ABCA10: variants seen among roughly 807,000 people sequenced by gnomAD.
ABCA10 encodes the protein ATP binding cassette subfamily A member 10, also known as ATP-binding cassette sub-family A member 10.
In ABCA10, 169 loss-of-function variants were observed where a neutral mutation model predicts 187.5. The ratio of observed to expected loss-of-function variants is 0.90; its 90% CI spans 0.80 to 1.02. The LOEUF (loss-of-function observed/expected upper bound fraction) is 1.02, where lower values mean the gene tolerates loss of function less well. Ranked by LOEUF, ABCA10 falls within the 50% of genes least tolerant of loss-of-function variation. ABCA10 has a pLI of 0.00. For synonymous variants in ABCA10, 574 were observed against 601.8 expected (o/e 0.95, Z 0.68); for missense variants, 1,727 against 1,812.4 (o/e 0.95, Z 0.86).
chr17:69,193,704 T>C, intron 13 of ABCA10, 92 bp from the exon 14 acceptor site: 15 of 1,550,166 alleles, frequency 9.7e-6, no homozygotes, highest in Non-Finnish European at 1.3e-5. Context: ...GTCTAGAACT[T>C]CGTTGATTAA....
At chr17:69,158,299 T>C (rs1050861850) in intron 27 of ABCA10, among the ~76,000 whole-genome samples, 2 of 151,720 alleles carry the variant, frequency 1.3e-5, no homozygotes, top group African/African-American at 2.4e-5. Flanking sequence ...AAAATAAAAA[T>C]ATAATTATTT....
chr17:69,195,017 G>A (rs2074487670), intron 11 of ABCA10, among the ~76,000 whole-genome samples: 2 of 152,068 alleles, frequency 1.3e-5, no homozygotes, highest in South Asian at 4.1e-4. Context: ...CAAAAGTGTG[G>A]GCATGATATT....
At chr17:69,177,885 G>A (rs191175008) in intron 22 of ABCA10, among the ~76,000 whole-genome samples, 35 of 143,260 alleles carry the variant, frequency 2.4e-4, no homozygotes, top group Admixed American at 2.4e-3. Context: ...GAACCCAGGA[G>A]GTGGAGGTTG....
At chr17:69,173,199 T>C (rs143654989) in intron 25 of ABCA10, among the ~76,000 whole-genome samples, 1 of 152,198 alleles carries the variant, frequency 6.6e-6, no homozygotes, top group Non-Finnish European at 1.5e-5. Flanking sequence ...GGTTATGATA[T>C]TTGACCATTG....
intron 25 of ABCA10, among the ~76,000 whole-genome samples, chr17:69,168,744 T>C (rs368612238): frequency 1.3e-5 from 2 of 152,184 alleles, no homozygotes; most frequent in South Asian, 2.1e-4. Context: ...ATGGCAGGTC[T>C]TTCCTGTGCT....
chr17:69,202,791 G>A (rs1413068597), intron 9 of ABCA10, among the ~76,000 whole-genome samples: 1 of 152,058 alleles, frequency 6.6e-6, no homozygotes, highest in Admixed American at 6.5e-5. Flanking sequence ...ATCTATTAGA[G>A]TAGAGAATAC....
chr17:69,153,577 G>A, intron 32 of ABCA10, 31 bp from the exon 33 acceptor site: 2 of 1,611,930 alleles, frequency 1.2e-6, no homozygotes, highest in Non-Finnish European at 1.7e-6. Flanking sequence ...TATACATGAA[G>A]TATATGGCAA....
chr17:69,170,287 CAA>C (rs10559540), intron 25 of ABCA10, among the ~76,000 whole-genome samples: 57,325 of 141,098 alleles, frequency 0.41, 13,104 homozygotes, highest in African/African-American at 0.66. Flanking sequence ...GATTCCGTCT[CAA>C]AAAAAAAAAA....
chr17:69,193,433 T>C (rs1006514050), intron 14 of ABCA10, 60 bp downstream of exon 14: 159 of 1,559,030 alleles, frequency 1.0e-4, no homozygotes, highest in Non-Finnish European at 1.3e-4. Context: ...AGTTGGACTT[T>C]AATAATAGTT....
At chr17:69,156,135 T>C (rs1206775711) in intron 28 of ABCA10, among the ~76,000 whole-genome samples, 1 of 152,214 alleles carries the variant, frequency 6.6e-6, no homozygotes, top group Non-Finnish European at 1.5e-5. Flanking sequence ...CTTTAAAACA[T>C]TGTATCCTAT....
At chr17:69,195,521 T>C (rs185031153) in intron 11 of ABCA10, among the ~76,000 whole-genome samples, 5 of 150,842 alleles carry the variant, frequency 3.3e-5, no homozygotes, top group African/African-American at 9.7e-5. Context: ...TTTTGTGTTT[T>C]AATTTGAAGC....
intron 22 of ABCA10, among the ~76,000 whole-genome samples, chr17:69,178,328 C>T (rs372220077): frequency 5.4e-4 from 82 of 152,184 alleles, no homozygotes; most frequent in African/African-American, 1.6e-3. Flanking sequence ...CAAATCTAGA[C>T]GCAAGTGAGC....
upstream of ABCA10, among the ~76,000 whole-genome samples, chr17:69,232,621 ATTC>A (rs1454616229): frequency 2.0e-5 from 3 of 152,128 alleles, no homozygotes; most frequent in Non-Finnish European, 2.9e-5. Context: ...TTTGACTTTT[ATTC>A]TTCATACTAA....
chr17:69,226,005 G>T (rs2074790563), intron 2 of ABCA10, among the ~76,000 whole-genome samples: 2 of 152,054 alleles, frequency 1.3e-5, no homozygotes, highest in Admixed American at 6.6e-5. Context: ...AACTAGTTTT[G>T]TCTCATTGGT....
chr17:69,169,102 T>C (rs1466600978), intron 25 of ABCA10, among the ~76,000 whole-genome samples: 1 of 152,222 alleles, frequency 6.6e-6, no homozygotes, highest in Non-Finnish European at 1.5e-5. Flanking sequence ...AAAATCTCAA[T>C]CCTAAAACAC....
In ABCA10 at chr17:69,193,290, G is replaced by A. The variant is rs372515392; in HGVS notation, c.1642-42C>T. ...GTATGAAAGCATCTTCCTCTTCACA[G>A]TGAGGATCTTCAGAAAGCACCATGA... On this transcript the variant is annotated intron_variant, in intron 14 of 38. Coordinates refer to ENST00000690296, the MANE Select transcript of ABCA10 (RefSeq NM_001377321.1). 6 of 1,597,274 alleles carry A rather than the reference G, an allele frequency of 3.8e-6. No individual in the cohort carries two copies. The Middle Eastern group carries it at 5.0e-4, about 134-fold the overall frequency.
Position 69,201,681 on chromosome 17 carries a change from G to A in ABCA10, c.1007-13C>T. On this transcript the variant is annotated splice_polypyrimidine_tract_variant and intron_variant, in intron 9 of 38. Transcript: ENST00000690296. Reference sequence around the variant, plus strand: ...TGGCCATCTTTATCTAATTAATTAAGATACAATTACATATTGCATCAATTA... The same window carrying A: ...TGGCCATCTTTATCTAATTAATTAAAATACAATTACATATTGCATCAATTA... 2 of 1,574,690 alleles carry A rather than the reference G, an allele frequency of 1.3e-6. No homozygotes were observed. Among genetic ancestry groups the A allele is most frequent in the Non-Finnish European group, 1.7e-6 (2 of 1,159,698 alleles).
chr17:69,185,420 C>A, intron 20 of ABCA10, 57 bp downstream of exon 20: 1 of 1,529,180 alleles, frequency 6.5e-7, no homozygotes, highest in Non-Finnish European at 8.9e-7. Context: ...CAGGTATGTG[C>A]TTTCTAAAGA....
Position 69,190,374 on chromosome 17 carries a change from T to G in ABCA10, c.2115A>C (p.Ser705=). Residue 705 remains serine (S), a synonymous_variant, in exon 18 of 39, where the codon TCA becomes TCC. Coordinates refer to ENST00000690296, the MANE Select transcript of ABCA10 (RefSeq NM_001377321.1). ...NEVFLNLEGK[S]AIDEPDFDIG... The stretch of plus-strand genomic sequence containing the variant: ...TTTTTATACCTGGTTCATCAATTGC[T>G]GATTTTCCTTCTAGGTTCAAGAATA... 1 of 1,557,134 alleles carries G rather than the reference T, an allele frequency of 6.4e-7. No homozygotes were observed. Among genetic ancestry groups the G allele is most frequent in the Middle Eastern group, 1.7e-4 (1 of 5,920 alleles).
Sources: allele counts gnomAD v4.1 joint callset (sites outside exome capture counted in the v4.1 genomes callset), GRCh38; gene constraint gnomAD v4.1.1; transcripts MANE v1.5; gene names NCBI Gene and HGNC (gene_info 2026-07-23, HGNC 2026-07-21).